Variants in ZDHHC21 observed in about 807,000 individuals in gnomAD.
ZDHHC21 encodes zDHHC palmitoyltransferase 21, also known as palmitoyltransferase ZDHHC21.
In ZDHHC21, 15 loss-of-function variants were observed where a neutral mutation model predicts 34.6. The observed-to-expected ratio is 0.43, with a 90% CI of 0.29 to 0.67. The LOEUF (loss-of-function observed/expected upper bound fraction) is 0.67. ZDHHC21 is among the 30% of genes least tolerant of loss of function. The pLI is 0.14. For synonymous variants in ZDHHC21, 142 were observed against 101.8 expected (o/e 1.40, Z -2.38); for missense variants, 344 against 327.7 (o/e 1.05, Z -0.38).
intron 2 of ZDHHC21, among the ~76,000 whole-genome samples, chr9:14,685,517 C>G (rs1838168202): frequency 6.6e-6 from 1 of 152,002 alleles, no homozygotes; most frequent in Admixed American, 6.5e-5. Flanking sequence ...CCATCTCACA[C>G]CAGTTAGAAT....
At chr9:14,683,417 A>T (rs1442581820) in intron 2 of ZDHHC21, among the ~76,000 whole-genome samples, 1 of 152,200 alleles carries the variant, frequency 6.6e-6, no homozygotes, top group African/African-American at 2.4e-5. Context: ...GAATACTATA[A>T]ACACCTCTAT....
chr9:14,627,541 A>G (rs1422732309), intron 8 of ZDHHC21, among the ~76,000 whole-genome samples: 1 of 152,144 alleles, frequency 6.6e-6, no homozygotes, highest in Non-Finnish European at 1.5e-5. Flanking sequence ...CATCTGTCTC[A>G]CCCTACCCCC....
chr9:14,646,348 T>G (rs914520760), intron 7 of ZDHHC21, among the ~76,000 whole-genome samples: 1 of 152,116 alleles, frequency 6.6e-6, no homozygotes, highest in African/African-American at 2.4e-5. Flanking sequence ...TTTTACAATA[T>G]AAAAGGTACA....
At chr9:14,665,063 A>T (rs1834159622) in intron 5 of ZDHHC21, among the ~76,000 whole-genome samples, 1 of 72,384 alleles carries the variant, frequency 1.4e-5, no homozygotes, top group Non-Finnish European at 2.9e-5. Context: ...CTACGGAAGG[A>T]CATTCAAACC....
At chr9:14,683,437 C>T (rs1192914020) in intron 2 of ZDHHC21, 1 of 152,220 alleles carries the variant, frequency 6.6e-6, no homozygotes, top group Admixed American at 6.5e-5. Flanking sequence ...TGCAAATAAA[C>T]TAGAAAATCT....
intron 6 of ZDHHC21, among the ~76,000 whole-genome samples, chr9:14,660,085 G>T (rs574382105): frequency 1.3e-5 from 2 of 152,082 alleles, no homozygotes; most frequent in East Asian, 3.9e-4. Context: ...GAATGATCAG[G>T]CCAGGCGCGG....
intron 2 of ZDHHC21, among the ~76,000 whole-genome samples, chr9:14,684,624 T>C (rs933641006): frequency 2.6e-5 from 4 of 151,942 alleles, no homozygotes; most frequent in African/African-American, 9.7e-5. Flanking sequence ...ATGGCCATAC[T>C]GCCCAAGGTA....
chr9:14,658,197 G>C (rs1345941278), intron 7 of ZDHHC21, among the ~76,000 whole-genome samples: 1 of 151,982 alleles, frequency 6.6e-6, no homozygotes, highest in African/African-American at 2.4e-5. Context: ...TTTAAACCAA[G>C]ACACACGTAT....
At chr9:14,665,142 G>A (rs1587300488) in intron 5 of ZDHHC21, among the ~76,000 whole-genome samples, 2 of 136,368 alleles carry the variant, frequency 1.5e-5, no homozygotes, top group South Asian at 2.7e-4. Context: ...CCAATACAGA[G>A]AAATGCTTAA....
downstream of ZDHHC21, among the ~76,000 whole-genome samples, chr9:14,609,913 CA>C (rs1169890462): frequency 2.0e-5 from 3 of 152,064 alleles, no homozygotes; most frequent in African/African-American, 7.2e-5. Flanking sequence ...CAGACTTCTC[CA>C]GATACTTCTA....
intron 5 of ZDHHC21, among the ~76,000 whole-genome samples, chr9:14,663,913 T>C (rs1833869372): frequency 6.6e-6 from 1 of 152,208 alleles, no homozygotes; most frequent in Non-Finnish European, 1.5e-5. Context: ...TATAGCATAT[T>C]ACAATGTCAC....
chr9:14,641,894 G>C (rs754872822), intron 7 of ZDHHC21, among the ~76,000 whole-genome samples: 4 of 152,122 alleles, frequency 2.6e-5, no homozygotes, highest in Non-Finnish European at 5.9e-5. Flanking sequence ...GTTTCGGAGT[G>C]GTAAGCCCTG....
chr9:14,690,921 G>C (rs79390316), intron 1 of ZDHHC21, among the ~76,000 whole-genome samples: 3,901 of 152,056 alleles, frequency 0.026, 181 homozygotes, highest in African/African-American at 0.09. Context: ...TATATTTAAT[G>C]CATGTGAAAA....
chr9:14,609,925 A>G (rs1823147690), downstream of ZDHHC21, among the ~76,000 whole-genome samples: 1 of 152,076 alleles, frequency 6.6e-6, no homozygotes, highest in South Asian at 2.1e-4. Flanking sequence ...GATACTTCTA[A>G]CAAAATAACA....
intron 5 of ZDHHC21, among the ~76,000 whole-genome samples, chr9:14,665,756 T>A (rs1834318062): frequency 6.8e-6 from 1 of 146,258 alleles, no homozygotes; most frequent in East Asian, 2.1e-4. Flanking sequence ...CTAAGCTTCA[T>A]AAGTGAAGGA....
At chr9:14,595,164 G>T in the ZDHHC21 span, among the ~76,000 whole-genome samples, 2 of 152,088 alleles carry the variant, frequency 1.3e-5, no homozygotes, top group African/African-American at 2.4e-5. Context: ...CCACTCTTAG[G>T]TATCTACCCC....
intron 2 of ZDHHC21, among the ~76,000 whole-genome samples, chr9:14,683,054 A>G (rs1040470968): frequency 4.6e-5 from 7 of 152,174 alleles, no homozygotes; most frequent in South Asian, 2.1e-4. Flanking sequence ...AGCGAAATTT[A>G]TAGCACTAAA....
intron 5 of ZDHHC21, among the ~76,000 whole-genome samples, chr9:14,663,374 T>C (rs995056146): frequency 2.0e-5 from 3 of 151,992 alleles, no homozygotes; most frequent in Non-Finnish European, 2.9e-5. Context: ...ACATACTAGG[T>C]AGTCACTAAA....
intron 8 of ZDHHC21, among the ~76,000 whole-genome samples, chr9:14,632,388 G>C (rs1317673567): frequency 1.3e-5 from 2 of 151,882 alleles, no homozygotes; most frequent in Non-Finnish European, 2.9e-5. Flanking sequence ...GGACAACTAG[G>C]TATCTACTGT....
Sources: gnomAD v4.1 joint callset for allele counts (sites outside exome capture counted in the v4.1 genomes callset) on GRCh38, gnomAD v4.1.1 for gene constraint, MANE v1.5 for transcripts, NCBI Gene and HGNC (gene_info 2026-07-23, HGNC 2026-07-21) for gene names.